FARSB: variants seen among roughly 807,000 people sequenced by gnomAD.
FARSB encodes phenylalanine--tRNA ligase beta subunit.
Under a neutral mutation model 69.6 loss-of-function variants are expected in FARSB, and 40 were observed. That is an observed-to-expected ratio of 0.57 (90% CI 0.45 to 0.75). FARSB has a LOEUF of 0.75. Ranked by LOEUF, FARSB falls within the 30% of genes least tolerant of loss-of-function variation. FARSB has a pLI of 0.00. For missense variants in FARSB, 632 were observed against 722.9 expected (o/e 0.87, Z 1.44); for synonymous variants, 235 against 247.2 (o/e 0.95, Z 0.46).
intron 16 of FARSB, among the ~76,000 whole-genome samples, chr2:222,581,201 G>GC (rs941337103): frequency 6.6e-6 from 1 of 152,152 alleles, no homozygotes; most frequent in African/African-American, 2.4e-5. Context: ...AAGTTAACGG[G>GC]CCTCCTGTCA....
intron 13 of FARSB, among the ~76,000 whole-genome samples, chr2:222,620,103 A>G (rs1691101379): frequency 6.6e-6 from 1 of 151,998 alleles, no homozygotes; most frequent in African/African-American, 2.4e-5. Context: ...TACCTTTCCA[A>G]TCTAATCTCC....
At position 222,640,909 on chromosome 2, in the gene FARSB, G is replaced by A. The variant is rs141167193; in HGVS notation, c.292C>T (p.Arg98Trp). 5.7e-4 allele frequency: 872 copies of A among 1,533,304 alleles called. No homozygotes were observed. Among genetic ancestry groups the A allele is most frequent in the Non-Finnish European group, 7.3e-4 (815 of 1,117,208 alleles). The allele number at this position is 1,533,304 out of a possible 1,614,324, so 95.0% of individuals were successfully genotyped here. A position where few individuals can be genotyped will look rare whatever the true frequency, so the allele number is the denominator to read the frequency against. Residue 98 changes from arginine to tryptophan, a missense_variant, in exon 4 of 17, where the codon CGG becomes TGG. Arg to Trp is a moderately radical substitution (Grantham distance 101, BLOSUM62 -3). Coordinates refer to ENST00000281828, the MANE Select transcript of FARSB (RefSeq NM_005687.5). ...KERIKAPVYK[R>W]VMPDGKIQKL... ...TGGATTTTTCCATCAGGCATTACCC[G>A]TTTATACACTGGAGCCTTTATCCTA...
At chr2:222,587,497 T>C (rs1224182491) in intron 16 of FARSB, among the ~76,000 whole-genome samples, 2 of 151,722 alleles carry the variant, frequency 1.3e-5, no homozygotes. Context: ...AGGCAAGAAA[T>C]AACTAAGATC....
chr2:222,639,508 T>C lies in FARSB; in HGVS notation c.455+72A>G, dbSNP rs570341359. ...TGGCAAGAGAGAAGAGGGAGAGGGATCAGGATGGAAAGGAGATAGGGAGAC... is the reference window on the plus strand; with the variant it reads ...TGGCAAGAGAGAAGAGGGAGAGGGACCAGGATGGAAAGGAGATAGGGAGAC... On this transcript the variant is annotated intron_variant, in intron 5 of 16. Transcript: ENST00000281828. 2.4e-4 allele frequency: 142 copies of C among 592,058 alleles called. 1 individual carries two copies. In the South Asian group the frequency reaches 3.8e-3, roughly 16 times the overall value. The allele number at this position is 592,058 out of a possible 1,614,324, so 36.7% of individuals were successfully genotyped here. A position where few individuals can be genotyped will look rare whatever the true frequency, so the allele number is the denominator to read the frequency against.
intron 5 of FARSB, 34 bp downstream of exon 5, chr2:222,639,546 G>A (rs1314597405): frequency 3.0e-6 from 3 of 993,792 alleles, no homozygotes; most frequent in Admixed American, 1.9e-5. Context: ...AGGGAAAGGG[G>A]AAGGCAAGGA....
At chr2:222,596,901 T>C (rs1690432683) in intron 16 of FARSB, among the ~76,000 whole-genome samples, 1 of 152,204 alleles carries the variant, frequency 6.6e-6, no homozygotes, top group African/African-American at 2.4e-5. Context: ...GCCACTTCTT[T>C]ATACATTGTT....
At chr2:222,589,634 C>T (rs1574915924) in intron 16 of FARSB, among the ~76,000 whole-genome samples, 2 of 152,084 alleles carry the variant, frequency 1.3e-5, no homozygotes, top group African/African-American at 4.8e-5. Context: ...GGCTAATATC[C>T]AGAATCTACA....
At chr2:222,631,263 T>C (rs1450794492) in intron 8 of FARSB, among the ~76,000 whole-genome samples, 1 of 152,040 alleles carries the variant, frequency 6.6e-6, no homozygotes, top group Non-Finnish European at 1.5e-5. Flanking sequence ...AGATAAACAA[T>C]TTATATGGAT....
At chr2:222,619,433 T>C (rs1280629495) in intron 14 of FARSB, among the ~76,000 whole-genome samples, 1 of 151,752 alleles carries the variant, frequency 6.6e-6, no homozygotes, top group Non-Finnish European at 1.5e-5. Context: ...AAGAACCCAG[T>C]ATGAAGTTAA....
chr2:222,574,742 A>C (rs1277241060), intron 16 of FARSB, among the ~76,000 whole-genome samples: 1 of 152,210 alleles, frequency 6.6e-6, no homozygotes, highest in East Asian at 1.9e-4. Flanking sequence ...GCAAGTTAAA[A>C]TTGTCATCAC....
chr2:222,584,802 C>T (rs959093187), intron 16 of FARSB, among the ~76,000 whole-genome samples: 9 of 152,198 alleles, frequency 5.9e-5, no homozygotes, highest in Non-Finnish European at 1.0e-4. Flanking sequence ...GAGGGGCATC[C>T]GCCACTGCTG....
intron 7 of FARSB, among the ~76,000 whole-genome samples, chr2:222,632,933 A>C (rs1471231483): frequency 6.6e-6 from 1 of 152,218 alleles, no homozygotes; most frequent in African/African-American, 2.4e-5. Context: ...CCAAAACATC[A>C]ATAACCTTTG....
chr2:222,628,877 G>A lies in FARSB; in HGVS notation c.860C>T (p.Ala287Val). Reference protein sequence around the residue: ...YCENQFTVEAAEVVFPNGKSH... With the variant: ...YCENQFTVEAVEVVFPNGKSH... ...TTTTCCATTAGGAAAAACCACTTCA[G>A]CAGCTTCGACCCTGAAAACAAAAGC... Residue 287 changes from alanine (A) to valine (V), a missense_variant, in exon 10 of 17, where the codon GCT becomes GTT. By Grantham distance (64) the Ala-to-Val change is moderately conservative. Coordinates refer to ENST00000281828, the MANE Select transcript of FARSB (RefSeq NM_005687.5). 1 of 1,609,684 alleles carries A rather than the reference G, an allele frequency of 6.2e-7. No homozygotes were observed. Among genetic ancestry groups the A allele is most frequent in the Non-Finnish European group, 8.5e-7 (1 of 1,177,472 alleles).
rs147945682 is a variant in FARSB at position 222,577,695 on chromosome 2, C to G, written c.1619-5673G>C. Among the ~76,000 whole-genome samples, 93 of 152,286 alleles carry G rather than the reference C, an allele frequency of 6.1e-4. 1 individual carries two copies. The highest frequency in any genetic ancestry group is 1.9e-3 in the African/African-American group (81 of 41,550). On this transcript the variant is annotated intron_variant, in intron 16 of 16. Coordinates refer to ENST00000281828, the MANE Select transcript of FARSB (RefSeq NM_005687.5). ...TAAACAACCATCTTTTAACAATTAC[C>G]ACAATCTCCTTGTGACTAAATATTT...
At chr2:222,582,651 G>A (rs112434858) in intron 16 of FARSB, among the ~76,000 whole-genome samples, 21 of 152,270 alleles carry the variant, frequency 1.4e-4, no homozygotes, top group East Asian at 7.7e-4. Flanking sequence ...AAATTCGGGC[G>A]CAGTGGCTCA....
At chr2:222,601,354 G>A (rs1690553522) in intron 15 of FARSB, among the ~76,000 whole-genome samples, 1 of 151,942 alleles carries the variant, frequency 6.6e-6, no homozygotes, top group African/African-American at 2.4e-5. Flanking sequence ...CCAGCGCTTT[G>A]GAAGGCCAAG....
At chr2:222,594,963 T>A (rs17499400) in intron 16 of FARSB, among the ~76,000 whole-genome samples, 45,546 of 152,086 alleles carry the variant, frequency 0.3, 7,560 homozygotes, top group Non-Finnish European at 0.38. Flanking sequence ...TGTGTAGGAA[T>A]CACTGCTTAT....
intron 16 of FARSB, among the ~76,000 whole-genome samples, chr2:222,576,476 C>T (rs1689841224): frequency 6.6e-6 from 1 of 152,060 alleles, no homozygotes; most frequent in South Asian, 2.1e-4. Context: ...TTTAACTATA[C>T]ATAAGTCTCC....
At chr2:222,585,998 A>G (rs181324860) in intron 16 of FARSB, among the ~76,000 whole-genome samples, 65 of 152,338 alleles carry the variant, frequency 4.3e-4, no homozygotes, top group African/African-American at 1.2e-3. Context: ...CATTCAATTC[A>G]GGAAATACAG....
Sources: allele counts gnomAD v4.1 joint callset (sites outside exome capture counted in the v4.1 genomes callset), GRCh38; gene constraint gnomAD v4.1.1; transcripts MANE v1.5; gene names NCBI Gene and HGNC (gene_info 2026-07-23, HGNC 2026-07-21).